Variants in TMEM258 observed in about 807,000 individuals in gnomAD.
TMEM258 encodes the protein dolichyl-diphosphooligosaccharide--protein glycosyltransferase subunit TMEM258.
Under a neutral mutation model 9.9 loss-of-function variants are expected in TMEM258, and 11 were observed. The ratio of observed to expected loss-of-function variants is 1.11; its 90% CI spans 0.70 to 1.85. The LOEUF is 1.85. TMEM258 is among the 40% of genes most tolerant of loss of function. The probability of loss-of-function intolerance (pLI) is 0.00; values close to 1 mark genes in which losing one functional copy is unlikely to be tolerated. For synonymous variants in TMEM258, 40 were observed against 39.1 expected (o/e 1.02, Z -0.09); for missense variants, 81 against 99.7 (o/e 0.81, Z 0.80).
At chr11:61,790,644 G>T (rs778583238) in intron 1 of TMEM258, 42 bp from the exon 2 acceptor site, 1 of 1,550,324 alleles carries the variant, frequency 6.5e-7, no homozygotes, top group South Asian at 1.2e-5. Context: ...AGAATCCCAC[G>T]ATTTCAGCCT....
chr11:61,790,057 G>C, intron 2 of TMEM258, 136 bp from the exon 3 acceptor site: 1 of 1,122,480 alleles, frequency 8.9e-7, no homozygotes. Context: ...GCCAGGCAGA[G>C]GGGCCTAAGA....
At chr11:61,790,212 A>C (rs2066772893) in intron 2 of TMEM258, 1 of 567,388 alleles carries the variant, frequency 1.8e-6, no homozygotes. Context: ...ACCCTTCCTT[A>C]TACCACCTTT....
rs2066760327 is a variant in TMEM258 at position 61,789,028 on chromosome 11, G to A, written c.*218C>T. 1.3e-5 allele frequency: 2 copies of A among 152,450 alleles called. No homozygotes were observed. Among genetic ancestry groups the A allele is most frequent in the Non-Finnish European group, 2.9e-5 (2 of 68,086 alleles). The allele number at this position is 152,450 out of a possible 1,614,324, so 9.4% of individuals were successfully genotyped here. On this transcript the variant is annotated 3_prime_UTR_variant, in exon 4 of 4. Transcript: ENST00000537328. ...ATCCCCCTTAAGTAGATCAGCAGCA[G>A]GAACTGTGAAAGGCAGATGAGAAAT...
rs1433392662 is a variant in TMEM258, at chr11:61,792,569, G to T, written c.-11C>A. On this transcript the variant is annotated 5_prime_UTR_variant, in exon 1 of 4. Coordinates refer to ENST00000537328, the MANE Select transcript of TMEM258 (RefSeq NM_014206.4). ...CAACGCTCTCACCATTTTGCCCCGCGAAGGCTAATCCGCCGCTCCGCCACC... is the reference window on the plus strand; with the variant it reads ...CAACGCTCTCACCATTTTGCCCCGCTAAGGCTAATCCGCCGCTCCGCCACC... The T allele has an allele frequency of 3.1e-6, 5 of 1,613,708 alleles. No homozygotes were observed. The highest frequency in any genetic ancestry group is 1.1e-5 in the South Asian group (1 of 91,092).
At position 61,789,717 on chromosome 11, in the gene TMEM258, T is replaced by A. The variant is rs2066767738; in HGVS notation, c.*10+68A>T. On this transcript the variant is annotated intron_variant, in intron 3 of 3. Coordinates refer to ENST00000537328, the MANE Select transcript of TMEM258 (RefSeq NM_014206.4). The stretch of plus-strand genomic sequence containing the variant: ...AAGAGCTTTAAGGACCCTGCTGACC[T>A]GACTCTGGGGAGGCTTCCCTGGGCT... 7.3e-6 allele frequency: 11 copies of A among 1,512,672 alleles called. No homozygotes were observed. The Admixed American group carries it at 2.5e-4, about 34-fold the overall frequency. 93.7% of individuals were successfully genotyped at this position (1,512,672 alleles called of 1,614,324 possible). A position where few individuals can be genotyped will look rare whatever the true frequency, so the allele number is the denominator to read the frequency against.
chr11:61,791,245 C>T (rs752629202), intron 1 of TMEM258, among the ~76,000 whole-genome samples: 6 of 151,508 alleles, frequency 4.0e-5, no homozygotes, highest in African/African-American at 4.8e-5. Flanking sequence ...TGTGAGTTGC[C>T]GCGCCCAGGC....
chr11:61,790,063 T>G (rs1179873197), intron 2 of TMEM258, 142 bp from the exon 3 acceptor site: 45 of 1,027,362 alleles, frequency 4.4e-5, no homozygotes, highest in Non-Finnish European at 6.1e-5. Context: ...CAGAGGGGCC[T>G]AAGAGATGCC....
intron 2 of TMEM258, 85 bp downstream of exon 2, chr11:61,790,408 G>A (rs1827209809): frequency 1.7e-6 from 2 of 1,193,800 alleles, no homozygotes; most frequent in Non-Finnish European, 2.4e-6. Flanking sequence ...TACAAAACCG[G>A]CGGGGTCCAT....
chr11:61,791,042 C>T (rs1424135985), intron 1 of TMEM258, among the ~76,000 whole-genome samples: 4 of 151,748 alleles, frequency 2.6e-5, no homozygotes. Flanking sequence ...ACCTCTGCCT[C>T]CCGGGTTCTA....
rs2066768764 is a variant in TMEM258 at position 61,789,819 on chromosome 11, C to G, written c.216G>C (p.Leu72=). 2 of 1,613,430 alleles carry G rather than the reference C, an allele frequency of 1.2e-6. No homozygotes were observed. The highest frequency in any genetic ancestry group is 2.7e-5 in the African/African-American group (2 of 75,022). The change falls in exon 3 of 4, where the codon CTG becomes CTC. Residue 72 remains leucine (L), a synonymous_variant. Transcript: ENST00000537328. ...CTCACACGTAGATGCCAACCCAGAGCAGCAGGAAGAGGACTCCAAAGCCCA... is the reference window on the plus strand; with the variant it reads ...CTCACACGTAGATGCCAACCCAGAGGAGCAGGAAGAGGACTCCAAAGCCCA... ...LFMGFGVLFL[L]LWVGIYV is the part of the protein sequence containing the mutation.
chr11:61,790,406 C>A lies in TMEM258; in HGVS notation c.113+87G>T, dbSNP rs998387427. On this transcript the variant is annotated intron_variant, in intron 2 of 3. Transcript: ENST00000537328. ...TCAGCCCCAATCCAATGTACAAAAC[C>A]GGCGGGGTCCATGTACCTAGCGTGG... 9.3e-6 allele frequency: 11 copies of A among 1,179,210 alleles called. No homozygotes were observed. The African/African-American group carries it at 1.4e-4, about 15-fold the overall frequency. 73.0% of individuals were successfully genotyped at this position (1,179,210 alleles called of 1,614,324 possible).
At chr11:61,789,591 T>C (rs2066766428) in intron 3 of TMEM258, 194 bp downstream of exon 3, 1 of 612,358 alleles carries the variant, frequency 1.6e-6, no homozygotes, top group African/African-American at 1.9e-5. Context: ...GAGTCACATT[T>C]GGCTCAAATC....
chr11:61,790,359 C>T, intron 2 of TMEM258, 134 bp downstream of exon 2: 1 of 800,396 alleles, frequency 1.2e-6, no homozygotes, highest in South Asian at 1.6e-5. Context: ...ATCACTAGCC[C>T]TCCTCTCCTC....
chr11:61,792,388 G>A lies in TMEM258; in HGVS notation c.3+168C>T, dbSNP rs1025436654. The A allele has an allele frequency of 7.8e-6, 7 of 898,062 alleles. No homozygotes were observed. The East Asian group carries it at 1.5e-4, about 20-fold the overall frequency. The allele number at this position is 898,062 out of a possible 1,614,324, so 55.6% of individuals were successfully genotyped here. A position where few individuals can be genotyped will look rare whatever the true frequency, so the allele number is the denominator to read the frequency against. On this transcript the variant is annotated intron_variant, in intron 1 of 3. Coordinates refer to ENST00000537328, the MANE Select transcript of TMEM258 (RefSeq NM_014206.4). Reference sequence around the variant, plus strand: ...AGAAATCGCGAGCTGAGAAACCTAAGGAGTTCATGGCAAGGGGCTTCCCCC... The same window carrying A: ...AGAAATCGCGAGCTGAGAAACCTAAAGAGTTCATGGCAAGGGGCTTCCCCC...
At chr11:61,792,517 C>A (rs1171088565) in intron 1 of TMEM258, 39 bp downstream of exon 1, 3 of 1,613,868 alleles carry the variant, frequency 1.9e-6, no homozygotes, top group Admixed American at 3.3e-5. Context: ...CCCGAGGGGT[C>A]CTCGCATCTC....
chr11:61,792,158 TGTACAGA>T (rs1216951506), intron 1 of TMEM258: 2 of 217,446 alleles, frequency 9.2e-6, no homozygotes, highest in Non-Finnish European at 1.9e-5. Flanking sequence ...GCCAGAGATC[TGTACAGA>T]GGCTGTGGGC....
chr11:61,789,585 C>T (rs984734164), intron 3 of TMEM258, 200 bp downstream of exon 3: 5 of 588,528 alleles, frequency 8.5e-6, no homozygotes, highest in African/African-American at 7.5e-5. Flanking sequence ...AACTGAGAGT[C>T]ACATTTGGCT....
intron 1 of TMEM258, chr11:61,792,071 T>G (rs1386273820): frequency 6.4e-6 from 1 of 156,740 alleles, no homozygotes; most frequent in African/African-American, 2.4e-5. Flanking sequence ...TGAATAGACA[T>G]CATCCCAGAG....
intron 3 of TMEM258, 54 bp downstream of exon 3, chr11:61,789,731 C>T (rs1319069055): frequency 3.9e-6 from 6 of 1,537,584 alleles, no homozygotes; most frequent in Non-Finnish European, 4.4e-6. Context: ...TCTGGGGAGG[C>T]TTCCCTGGGC....
Sources: allele counts gnomAD v4.1 joint callset (sites outside exome capture counted in the v4.1 genomes callset), GRCh38; gene constraint gnomAD v4.1.1; transcripts MANE v1.5; gene names NCBI Gene and HGNC (gene_info 2026-07-23, HGNC 2026-07-21).